ASH1L: variants seen among roughly 807,000 people sequenced by gnomAD.
ASH1L encodes the protein histone-lysine N-methyltransferase ASH1L.
A neutral mutation model predicts 269.0 loss-of-function variants in ASH1L; 23 were observed. The observed-to-expected ratio is 0.09, with a 90% CI of 0.06 to 0.12. The LOEUF is 0.12. Among genes scored for constraint, ASH1L ranks in the 10% least tolerant of loss-of-function variants. The probability of loss-of-function intolerance (pLI) is 1.00; values close to 1 mark genes in which losing one functional copy is unlikely to be tolerated. For synonymous variants in ASH1L, 1,187 were observed against 1,253.5 expected (o/e 0.95, Z 1.12); for missense variants, 2,912 against 3,567.8 (o/e 0.82, Z 4.68).
intron 12 of ASH1L, among the ~76,000 whole-genome samples, chr1:155,369,232 A>G (rs1424686103): frequency 6.6e-6 from 1 of 152,146 alleles, no homozygotes; most frequent in African/African-American, 2.4e-5. Flanking sequence ...TCACAAGGTC[A>G]GGAGATCGAG....
At chr1:155,413,623 C>A (rs983016968) in intron 6 of ASH1L, among the ~76,000 whole-genome samples, 14 of 151,896 alleles carry the variant, frequency 9.2e-5, no homozygotes, top group Non-Finnish European at 2.1e-4. Flanking sequence ...ACAAACAAAC[C>A]AGAAAACAAA....
chr1:155,487,028 G>A (rs1666371843), intron 2 of ASH1L, among the ~76,000 whole-genome samples: 1 of 152,098 alleles, frequency 6.6e-6, no homozygotes, highest in African/African-American at 2.4e-5. Flanking sequence ...AGCCGGGTGT[G>A]GTAGCACATG....
At chr1:155,446,512 T>C (rs1306302325) in intron 4 of ASH1L, among the ~76,000 whole-genome samples, 3 of 151,434 alleles carry the variant, frequency 2.0e-5, no homozygotes, top group African/African-American at 7.3e-5. Flanking sequence ...TTGCCTAGAC[T>C]GGTCTGGAAC....
At chr1:155,356,177 T>G (rs1306998595) in intron 15 of ASH1L, among the ~76,000 whole-genome samples, 5 of 152,000 alleles carry the variant, frequency 3.3e-5, no homozygotes, top group African/African-American at 1.2e-4. Context: ...CCTCAGGTGA[T>G]CCGCCTGCCT....
chr1:155,558,908 G>A (rs1246616933), intron 1 of ASH1L, among the ~76,000 whole-genome samples: 1 of 149,038 alleles, frequency 6.7e-6, no homozygotes, highest in African/African-American at 2.5e-5. Flanking sequence ...TACAGTGGTG[G>A]ATCTCGGCTC....
chr1:155,424,610 T>C (rs749637744), intron 5 of ASH1L, among the ~76,000 whole-genome samples: 17 of 152,054 alleles, frequency 1.1e-4, no homozygotes, highest in Non-Finnish European at 2.9e-5. Context: ...TTTCTCCATG[T>C]TGGTCAGGTT....
intron 4 of ASH1L, among the ~76,000 whole-genome samples, chr1:155,445,889 C>T (rs1558114920): frequency 6.6e-6 from 1 of 151,228 alleles, no homozygotes; most frequent in Non-Finnish European, 1.5e-5. Context: ...TGTGTGTGTA[C>T]ATTTTTTATT....
At chr1:155,550,992 T>TTA (rs2148910000) in intron 1 of ASH1L, among the ~76,000 whole-genome samples, 1 of 152,158 alleles carries the variant, frequency 6.6e-6, no homozygotes, top group Admixed American at 6.6e-5. Context: ...TGGCTAATTT[T>TTA]TAAAATTTTT....
In ASH1L at chr1:155,488,502, CAAAAAAAAAAAA is replaced by C. The variant is rs368511587; in HGVS notation, c.421-6065_421-6054del. ...GTGAAACTCGCCTATACTAAAAATA[CAAAAAAAAAAAA>C]AAAAAAAAAATTAGCAGGGTGGCGC... is the stretch of plus-strand genomic sequence containing the variant. On this transcript the variant is annotated intron_variant, in intron 2 of 27. Transcript: ENST00000392403. Among the ~76,000 whole-genome samples, 6 of 41,306 alleles carry C rather than the reference CAAAAAAAAAAAA, an allele frequency of 1.5e-4. 1 individual carries two copies. The highest frequency in any genetic ancestry group is 4.3e-4 in the African/African-American group (6 of 13,810). The allele number at this position is 41,306 out of a possible 152,430, so 27.1% of individuals were successfully genotyped here. A position where few individuals can be genotyped will look rare whatever the true frequency, so the allele number is the denominator to read the frequency against.
chr1:155,396,730 G>T (rs983887009), intron 6 of ASH1L, among the ~76,000 whole-genome samples: 2 of 151,866 alleles, frequency 1.3e-5, no homozygotes, highest in South Asian at 4.2e-4. Flanking sequence ...TTGGAAGGCC[G>T]AGGCGGGTGG....
At chr1:155,365,372 ATTTT>A (rs142145021) in intron 12 of ASH1L, among the ~76,000 whole-genome samples, 2 of 124,242 alleles carry the variant, frequency 1.6e-5, no homozygotes, top group Non-Finnish European at 3.3e-5. Flanking sequence ...TGCCCGGCTG[ATTTT>A]TTTTTTTTTT....
In ASH1L at chr1:155,337,661, C is replaced by A; in HGVS notation, c.8894G>T (p.Ter2965LeuextTer43). Residue 2965 changes from the stop codon to leucine (L), a stop_lost, in exon 28 of 28, where the codon TGA becomes TTA. Transcript: ENST00000392403. ...CTTGAGGTTCTCATTCTTTGAGGGT[C>A]ACTTTCGAAAGCTGTTTTCTGGGAT... The part of the protein sequence containing the change: ...LFIPENSFRK[*>L] The A allele has an allele frequency of 1.2e-6, 2 of 1,613,110 alleles. No individual in the cohort carries two copies. Among genetic ancestry groups the A allele is most frequent in the South Asian group, 2.2e-5 (2 of 91,028 alleles).
At chr1:155,421,579 G>T (rs893592340) in intron 5 of ASH1L, among the ~76,000 whole-genome samples, 8 of 151,496 alleles carry the variant, frequency 5.3e-5, no homozygotes, top group African/African-American at 1.7e-4. Flanking sequence ...GCTGAGGCAG[G>T]AGAATGGCAT....
chr1:155,561,776 G>C (rs1047919803), intron 1 of ASH1L, among the ~76,000 whole-genome samples: 16 of 151,642 alleles, frequency 1.1e-4, no homozygotes, highest in Non-Finnish European at 1.9e-4. Flanking sequence ...TGTCACACAG[G>C]TAAAATCCCC....
chr1:155,559,565 C>T (rs1479251116), intron 1 of ASH1L, among the ~76,000 whole-genome samples: 1 of 146,558 alleles, frequency 6.8e-6, no homozygotes, highest in African/African-American at 2.5e-5. Context: ...CAAGATGATA[C>T]AAAACATATT....
chr1:155,538,467 C>T (rs1670204558), intron 1 of ASH1L, among the ~76,000 whole-genome samples: 1 of 151,934 alleles, frequency 6.6e-6, no homozygotes, highest in South Asian at 2.1e-4. Context: ...AAGCGAGTCT[C>T]CTGCCTCAGC....
At chr1:155,363,993 C>T (rs558245687) in intron 12 of ASH1L, among the ~76,000 whole-genome samples, 21 of 148,800 alleles carry the variant, frequency 1.4e-4, no homozygotes, top group Non-Finnish European at 2.4e-4. Flanking sequence ...AAACAAAAAA[C>T]CAAAAAAAGG....
rs564269538 is a variant in ASH1L, at chr1:155,338,708, G to C, written c.8502-318C>G. On this transcript the variant is annotated intron_variant, in intron 26 of 27. Transcript: ENST00000392403. ...GACTGCTTCATGACTAGAGAAGCACGGCACAACCTTGTGATGCCAATAATC... is the reference window on the plus strand; with the variant it reads ...GACTGCTTCATGACTAGAGAAGCACCGCACAACCTTGTGATGCCAATAATC... Among the ~76,000 whole-genome samples, 11 of 152,190 alleles carry C rather than the reference G, an allele frequency of 7.2e-5. No individual in the cohort carries two copies. The South Asian group carries it at 2.3e-3, about 32-fold the overall frequency.
intron 4 of ASH1L, among the ~76,000 whole-genome samples, chr1:155,454,939 T>C (rs1364704909): frequency 6.6e-6 from 1 of 152,110 alleles, no homozygotes; most frequent in African/African-American, 2.4e-5. Flanking sequence ...TAATAGTTGC[T>C]CAGTAATAAA....
Sources: gnomAD v4.1 joint callset for allele counts (sites outside exome capture counted in the v4.1 genomes callset) on GRCh38, gnomAD v4.1.1 for gene constraint, MANE v1.5 for transcripts, NCBI Gene and HGNC (gene_info 2026-07-23, HGNC 2026-07-21) for gene names.